DLGAP2: variants seen among roughly 807,000 people sequenced by gnomAD.
DLGAP2 encodes disks large-associated protein 2.
Under a neutral mutation model 100.3 loss-of-function variants are expected in DLGAP2, and 26 were observed. That is an observed-to-expected ratio of 0.26 (90% CI 0.19 to 0.36). The LOEUF (loss-of-function observed/expected upper bound fraction) is 0.36. Among genes scored for constraint, DLGAP2 ranks in the 10% least tolerant of loss-of-function variants. The probability of loss-of-function intolerance (pLI) is 1.00; values close to 1 mark genes in which losing one functional copy is unlikely to be tolerated. For synonymous variants in DLGAP2, 886 were observed against 630.1 expected, an observed-to-expected ratio of 1.41 and a Z score of -6.08; for missense variants, 1,858 against 1,453.2, an observed-to-expected ratio of 1.28 and a Z score of -4.53.
chr8:1,087,402 C>G (rs1231234004), intron 2 of DLGAP2, among the ~76,000 whole-genome samples: 1 of 152,182 alleles, frequency 6.6e-6, no homozygotes, highest in East Asian at 1.9e-4. Context: ...CTATGCCTGG[C>G]TGTGTTCCTC....
rs929366110 is a variant in DLGAP2, at chr8:1,627,850, C to T, written c.1590+963C>T. Among the ~76,000 whole-genome samples, 97 of 146,100 alleles carry T rather than the reference C, an allele frequency of 6.6e-4. 1 individual carries two copies. Among genetic ancestry groups the T allele is most frequent in the Middle Eastern group, 8.0e-3 (2 of 250 alleles). On this transcript the variant is annotated intron_variant, in intron 7 of 14. Coordinates refer to ENST00000637795, the MANE Select transcript of DLGAP2 (RefSeq NM_001346810.2). The stretch of plus-strand genomic sequence containing the variant: ...TGGAGCAGGGATTAAGAGCCTGAGC[C>T]GACCTCACATTCTGTCTGACTTACT...
intron 2 of DLGAP2, among the ~76,000 whole-genome samples, chr8:1,203,495 C>T (rs1168372717): frequency 1.3e-5 from 2 of 152,130 alleles, no homozygotes; most frequent in African/African-American, 2.4e-5. Flanking sequence ...GTGCATTTTG[C>T]GTGTCCTGAG....
intron 3 of DLGAP2, among the ~76,000 whole-genome samples, chr8:1,451,574 C>T (rs1352522662): frequency 1.3e-5 from 2 of 152,086 alleles, no homozygotes; most frequent in South Asian, 4.2e-4. Context: ...TCATCAAATC[C>T]GAGGTACCTG....
intron 2 of DLGAP2, among the ~76,000 whole-genome samples, chr8:943,827 A>G (rs905500055): frequency 4.6e-5 from 7 of 152,282 alleles, no homozygotes; most frequent in African/African-American, 7.2e-5. Flanking sequence ...TATGGATTAG[A>G]TTGAAAATTG....
At chr8:1,410,011 A>T (rs572608606) in intron 3 of DLGAP2, among the ~76,000 whole-genome samples, 1 of 152,284 alleles carries the variant, frequency 6.6e-6, no homozygotes, top group African/African-American at 2.4e-5. Context: ...TCCTCCAGAG[A>T]ACCCTGACCG....
intron 8 of DLGAP2, among the ~76,000 whole-genome samples, chr8:1,651,200 G>T (rs1798154843): frequency 6.6e-6 from 1 of 152,212 alleles, no homozygotes; most frequent in Admixed American, 6.5e-5. Flanking sequence ...CCTCACAGCA[G>T]AAGGGCCAGG....
At chr8:1,162,124 C>T (rs1193467377) in intron 2 of DLGAP2, among the ~76,000 whole-genome samples, 2 of 152,330 alleles carry the variant, frequency 1.3e-5, no homozygotes, top group East Asian at 1.9e-4. Flanking sequence ...GCAGATTCCA[C>T]AGGAGGCTAC....
intron 1 of DLGAP2, among the ~76,000 whole-genome samples, chr8:903,051 G>A (rs1798295551): frequency 1.3e-5 from 2 of 150,122 alleles, no homozygotes; most frequent in Admixed American, 6.6e-5. Context: ...GGACGGGGGC[G>A]GTGGGGCGGT....
chr8:1,423,293 C>T (rs1405403191), intron 3 of DLGAP2, among the ~76,000 whole-genome samples: 2 of 152,098 alleles, frequency 1.3e-5, no homozygotes, highest in East Asian at 1.9e-4. Context: ...CAGGCCTGCT[C>T]AGTCCATGGG....
chr8:1,414,016 G>C (rs1161316612), intron 3 of DLGAP2, among the ~76,000 whole-genome samples: 1 of 152,212 alleles, frequency 6.6e-6, no homozygotes, highest in Non-Finnish European at 1.5e-5. Flanking sequence ...TGCAGCTCAG[G>C]GCACCGTGTG....
intron 2 of DLGAP2, among the ~76,000 whole-genome samples, chr8:1,206,725 G>A (rs1238539863): frequency 6.6e-6 from 1 of 152,140 alleles, no homozygotes; most frequent in African/African-American, 2.4e-5. Context: ...ACAGTCCTTA[G>A]CTGCGTCCTG....
In DLGAP2 at chr8:1,683,928, G is replaced by GTA. The variant is rs1439092360; in HGVS notation, c.2704+5305_2704+5306dup. Among the ~76,000 whole-genome samples the GTA allele has an allele frequency of 3.0e-3, 280 of 92,006 alleles. 4 individuals are homozygous for GTA. Among genetic ancestry groups the GTA allele is most frequent in the South Asian group, 0.014 (31 of 2,244 alleles). 60.4% of individuals were successfully genotyped at this position (92,006 alleles called of 152,430 possible). A position where few individuals can be genotyped will look rare whatever the true frequency, so the allele number is the denominator to read the frequency against. On this transcript the variant is annotated intron_variant, in intron 12 of 14. Transcript: ENST00000637795. Reference sequence around the variant, plus strand: ...CATATATGTGTATATATATATGTGTGTATATATGTGTATATATATATGTGT... The same window carrying GTA: ...CATATATGTGTATATATATATGTGTGTATATATATGTGTATATATATATGTGT...
At chr8:1,533,429 C>G (rs1236847827) in intron 4 of DLGAP2, among the ~76,000 whole-genome samples, 2 of 151,846 alleles carry the variant, frequency 1.3e-5, no homozygotes, top group Non-Finnish European at 2.9e-5. Context: ...TGGTGTGAAC[C>G]TGGGAGGCAG....
intron 3 of DLGAP2, among the ~76,000 whole-genome samples, chr8:1,489,671 C>T (rs545313847): frequency 3.9e-5 from 6 of 152,222 alleles, no homozygotes; most frequent in Non-Finnish European, 8.8e-5. Context: ...TAATTCCGCT[C>T]ATCAGAGCCC....
chr8:979,578 T>C (rs1468553012), intron 2 of DLGAP2, among the ~76,000 whole-genome samples: 2 of 152,228 alleles, frequency 1.3e-5, no homozygotes, highest in African/African-American at 4.8e-5. Flanking sequence ...TGCACCTGCC[T>C]GTAATGATGG....
intron 1 of DLGAP2, among the ~76,000 whole-genome samples, chr8:815,092 G>A (rs979348700): frequency 2.4e-4 from 36 of 152,126 alleles, no homozygotes; most frequent in Admixed American, 2.0e-3. Context: ...GTAATAGAAA[G>A]GGGGGTGTCG....
chr8:1,154,365 C>G (rs1435649521), intron 2 of DLGAP2, among the ~76,000 whole-genome samples: 1 of 152,094 alleles, frequency 6.6e-6, no homozygotes, highest in Non-Finnish European at 1.5e-5. Flanking sequence ...CAGTATTTGC[C>G]CCCAAACGAA....
At chr8:1,417,160 A>AGACCCCCGTTCATTTAGCGTCTGAGGGT (rs1563133711) in intron 3 of DLGAP2, among the ~76,000 whole-genome samples, 1 of 108,316 alleles carries the variant, frequency 9.2e-6, no homozygotes, top group East Asian at 2.8e-4. Context: ...CTCTGAGTGA[A>AGACCCCCGTTCATTTAGCGTCTGAGGGT]GGGGAAGCCC....
chr8:1,407,802 C>A (rs1462318656), intron 3 of DLGAP2, among the ~76,000 whole-genome samples: 1 of 146,194 alleles, frequency 6.8e-6, no homozygotes. Flanking sequence ...CCTCCGGGGT[C>A]GTGTATTGAG....
Sources: gnomAD v4.1 joint callset for allele counts (sites outside exome capture counted in the v4.1 genomes callset) on GRCh38, gnomAD v4.1.1 for gene constraint, MANE v1.5 for transcripts, NCBI Gene and HGNC (gene_info 2026-07-23, HGNC 2026-07-21) for gene names.